The following CLNK variants were observed in gnomAD, a reference collection of about 807,000 sequenced individuals.
The protein encoded by CLNK is cytokine dependent hematopoietic cell linker.
CLNK carries 74 observed loss-of-function variants against 68.6 expected under a neutral mutation model. The observed-to-expected ratio is 1.08, with a 90% CI of 0.89 to 1.31. The LOEUF (loss-of-function observed/expected upper bound fraction) is 1.31. Among genes scored for constraint, CLNK ranks in the 50% most tolerant of loss-of-function variants. The pLI is 0.00. For synonymous variants in CLNK, 198 were observed against 172.2 expected (o/e 1.15, Z -1.17); for missense variants, 553 against 515.3 (o/e 1.07, Z -0.71).
At chr4:10,516,551 CTT>C (rs11322271) in intron 15 of CLNK, among the ~76,000 whole-genome samples, 4,980 of 132,414 alleles carry the variant, frequency 0.038, 228 homozygotes, top group African/African-American at 0.11. Context: ...AGGATTGTAG[CTT>C]TTTTTTTTTT....
chr4:10,595,155 A>G (rs1421569859), intron 3 of CLNK, among the ~76,000 whole-genome samples: 1 of 152,232 alleles, frequency 6.6e-6, no homozygotes, highest in Non-Finnish European at 1.5e-5. Context: ...AGCTAGACTC[A>G]GAATTCAAAT....
chr4:10,517,665 G>A (rs906959822), intron 15 of CLNK, among the ~76,000 whole-genome samples: 1 of 152,148 alleles, frequency 6.6e-6, no homozygotes, highest in African/African-American at 2.4e-5. Flanking sequence ...TCACTTAGAT[G>A]GTGTTGCATA....
intron 17 of CLNK, among the ~76,000 whole-genome samples, chr4:10,502,591 G>A (rs1717101528): frequency 6.6e-6 from 1 of 151,346 alleles, no homozygotes; most frequent in Admixed American, 6.6e-5. Context: ...TTGATGCTCG[G>A]GTATTATTCT....
intron 16 of CLNK, among the ~76,000 whole-genome samples, chr4:10,512,228 T>A (rs2109037215): frequency 6.6e-6 from 1 of 151,480 alleles, no homozygotes; most frequent in African/African-American, 2.4e-5. Flanking sequence ...AAAAGAAGGA[T>A]ATGCATTTTT....
chr4:10,584,356 A>C (rs1395690236), intron 4 of CLNK, among the ~76,000 whole-genome samples: 1 of 152,096 alleles, frequency 6.6e-6, no homozygotes, highest in Admixed American at 6.5e-5. Context: ...CAGTCATTCT[A>C]TCTAGACACC....
chr4:10,584,736 C>A (rs569688404), intron 4 of CLNK, among the ~76,000 whole-genome samples, 191 bp downstream of exon 4: 1 of 152,198 alleles, frequency 6.6e-6, no homozygotes, highest in African/African-American at 2.4e-5. Flanking sequence ...AGCCACCCAG[C>A]CTCCAAAGCT....
intron 2 of CLNK, among the ~76,000 whole-genome samples, chr4:10,602,795 G>A (rs1002658260): frequency 5.9e-5 from 9 of 152,292 alleles, no homozygotes; most frequent in African/African-American, 1.9e-4. Flanking sequence ...TAGGCACAAT[G>A]ATAAAAAATG....
At chr4:10,628,536 C>T (rs1722764333) in intron 2 of CLNK, among the ~76,000 whole-genome samples, 1 of 152,166 alleles carries the variant, frequency 6.6e-6, no homozygotes, top group Admixed American at 6.5e-5. Flanking sequence ...TGGTCCAGCA[C>T]ATTGAGAATA....
chr4:10,512,985 A>G (rs539061057), intron 16 of CLNK, among the ~76,000 whole-genome samples: 1 of 152,314 alleles, frequency 6.6e-6, no homozygotes, highest in East Asian at 1.9e-4. Flanking sequence ...CCCACTCTTT[A>G]CATCTCCATT....
chr4:10,699,178 T>TTC, the CLNK span, among the ~76,000 whole-genome samples: 1 of 86,458 alleles, frequency 1.2e-5, no homozygotes. Context: ...TTACGTTTCT[T>TTC]TCTCTCTCTC....
chr4:10,656,008 A>G (rs1432301259), intron 2 of CLNK, among the ~76,000 whole-genome samples: 2 of 152,100 alleles, frequency 1.3e-5, no homozygotes, highest in Admixed American at 6.5e-5. Flanking sequence ...AAAGAAAAAG[A>G]GAGAAAGAAA....
intron 2 of CLNK, among the ~76,000 whole-genome samples, chr4:10,617,600 T>C (rs541631575): frequency 9.2e-5 from 14 of 152,384 alleles, no homozygotes; most frequent in African/African-American, 2.9e-4. Context: ...AGTCAATTTT[T>C]GCTCAGAACA....
At chr4:10,632,997 G>T (rs1294953028) in intron 2 of CLNK, among the ~76,000 whole-genome samples, 1 of 152,182 alleles carries the variant, frequency 6.6e-6, no homozygotes, top group Admixed American at 6.5e-5. Flanking sequence ...GAGTGCAGGG[G>T]CGTGATCTCA....
intron 1 of CLNK, among the ~76,000 whole-genome samples, chr4:10,670,405 C>A: frequency 6.6e-6 from 1 of 152,238 alleles, no homozygotes; most frequent in East Asian, 1.9e-4. Context: ...CATTAAGTAG[C>A]ATCGAAATGG....
intron 4 of CLNK, among the ~76,000 whole-genome samples, chr4:10,574,670 G>C (rs1398972088): frequency 6.6e-6 from 1 of 152,064 alleles, no homozygotes; most frequent in African/African-American, 2.4e-5. Flanking sequence ...CCCAATATCT[G>C]CCTCCAAAGA....
At chr4:10,525,345 G>T (rs1050037047) in intron 14 of CLNK, among the ~76,000 whole-genome samples, 2 of 152,316 alleles carry the variant, frequency 1.3e-5, no homozygotes, top group Non-Finnish European at 2.9e-5. Flanking sequence ...GATTACAGGC[G>T]TGAGCCACCG....
the CLNK span, among the ~76,000 whole-genome samples, chr4:10,725,655 C>A: frequency 6.6e-6 from 1 of 152,070 alleles, no homozygotes; most frequent in Non-Finnish European, 1.5e-5. Context: ...AGATCGAGAC[C>A]ATCCTGGCTA....
At chr4:10,563,636 C>T (rs1349103238) in intron 7 of CLNK, among the ~76,000 whole-genome samples, 5 of 152,014 alleles carry the variant, frequency 3.3e-5, no homozygotes, top group Admixed American at 6.6e-5. Flanking sequence ...TGGCCCGGCG[C>T]GGTGGCTCAC....
chr4:10,521,919 T>A (rs999703772), intron 14 of CLNK, among the ~76,000 whole-genome samples: 3 of 152,038 alleles, frequency 2.0e-5, no homozygotes, highest in Non-Finnish European at 2.9e-5. Context: ...TAGAAGTACA[T>A]AGTTGATATG....
Sources: gnomAD v4.1 joint callset for allele counts (sites outside exome capture counted in the v4.1 genomes callset) on GRCh38, gnomAD v4.1.1 for gene constraint, MANE v1.5 for transcripts, NCBI Gene and HGNC (gene_info 2026-07-23, HGNC 2026-07-21) for gene names.